The following RAB3B variants were observed in gnomAD, a reference collection of about 807,000 sequenced individuals.
RAB3B encodes ras-related protein Rab-3B.
In RAB3B, 11 loss-of-function variants were observed where a neutral mutation model predicts 20.5. That is an observed-to-expected ratio of 0.54 (90% CI 0.34 to 0.89). The LOEUF (loss-of-function observed/expected upper bound fraction) is 0.89, where lower values mean the gene tolerates loss of function less well. RAB3B is among the 40% of genes least tolerant of loss of function. The pLI, the probability that RAB3B is intolerant of heterozygous loss-of-function variation, is 0.02. For missense variants in RAB3B, 225 were observed against 280.9 expected (o/e 0.80, Z 1.42); for synonymous variants, 99 against 106.3 (o/e 0.93, Z 0.42).
Position 51,937,324 on chromosome 1 carries a change from T to C in RAB3B, c.317A>G (p.Asn106Ser), listed in dbSNP as rs756408271. The change falls in exon 3 of 5, where the codon AAT (asparagine) becomes AGT (serine). Residue 106 changes from asparagine (N) to serine (S), a missense_variant. Asn to Ser is a conservative substitution (Grantham distance 46). Transcript: ENST00000371655. The stretch of plus-strand genomic sequence containing the variant: ...TTGGACAGCATTGAAGGACTCTTCA[T>C]TGGTGATGTCATACATCAGAATGAA... ...MGFILMYDIT[N>S]EESFNAVQDW... The C allele has an allele frequency of 1.6e-5, 25 of 1,611,418 alleles. No individual in the cohort carries two copies. The Admixed American group carries it at 1.8e-4, about 12-fold the overall frequency.
intron 2 of RAB3B, among the ~76,000 whole-genome samples, chr1:51,971,862 A>G (rs1251999355): frequency 6.6e-6 from 1 of 152,212 alleles, no homozygotes; most frequent in Non-Finnish European, 1.5e-5. Context: ...AGACAGTGCA[A>G]TATTTCATCA....
At chr1:51,940,327 A>C (rs981700388) in intron 2 of RAB3B, among the ~76,000 whole-genome samples, 3 of 151,414 alleles carry the variant, frequency 2.0e-5, no homozygotes, top group African/African-American at 7.3e-5. Flanking sequence ...AAGTGGTATA[A>C]AAAAAAATGA....
rs1171897939 is a variant in RAB3B at position 51,912,554 on chromosome 1, A to AATAT, written c.*7369_*7372dup. The AATAT allele has an allele frequency of 9.7e-4, 15 of 15,496 alleles. No individual in the cohort carries two copies. Among genetic ancestry groups the AATAT allele is most frequent in the African/African-American group, 2.4e-3 (14 of 5,740 alleles). The allele number at this position is 15,496 out of a possible 1,614,324, so 1.0% of individuals were successfully genotyped here. ...AGACCGTCTCTATTAAAAAAAAAAA[A>AATAT]ATATATATATATATATATATATATA... On this transcript the variant is annotated 3_prime_UTR_variant, in exon 5 of 5. Transcript: ENST00000371655.
At chr1:51,960,389 C>A (rs1251962283) in intron 2 of RAB3B, among the ~76,000 whole-genome samples, 5 of 152,180 alleles carry the variant, frequency 3.3e-5, no homozygotes, top group Non-Finnish European at 7.3e-5. Context: ...CCCTCCCAGC[C>A]ATCTGGGCCT....
intron 1 of RAB3B, among the ~76,000 whole-genome samples, chr1:51,989,210 G>T (rs12760286): frequency 9.2e-5 from 3 of 32,546 alleles, no homozygotes; most frequent in South Asian, 1.8e-3. Flanking sequence ...ATCTTGTTTT[G>T]TGTGTGTGTG....
chr1:51,953,904 A>G (rs1320046455), intron 2 of RAB3B, among the ~76,000 whole-genome samples: 2 of 152,250 alleles, frequency 1.3e-5, no homozygotes, highest in African/African-American at 4.8e-5. Context: ...TACTTTTTTA[A>G]CCTACTGAAT....
intron 2 of RAB3B, among the ~76,000 whole-genome samples, chr1:51,938,283 T>C (rs1684439157): frequency 6.6e-6 from 1 of 152,162 alleles, no homozygotes. Context: ...TTTGGAAGTC[T>C]TAAGAGCATT....
intron 2 of RAB3B, among the ~76,000 whole-genome samples, chr1:51,958,871 G>A (rs1366260165): frequency 6.6e-6 from 1 of 152,224 alleles, no homozygotes; most frequent in African/African-American, 2.4e-5. Context: ...GAGAGATCAG[G>A]CACTGCAAGT....
chr1:51,955,462 G>A (rs1684695465), intron 2 of RAB3B, among the ~76,000 whole-genome samples: 1 of 152,006 alleles, frequency 6.6e-6, no homozygotes, highest in Admixed American at 6.5e-5. Context: ...CGCAATCTTG[G>A]CTCACTGCAA....
intron 2 of RAB3B, among the ~76,000 whole-genome samples, chr1:51,966,083 C>T (rs1043601803): frequency 1.3e-5 from 2 of 152,212 alleles, no homozygotes; most frequent in Admixed American, 1.3e-4. Flanking sequence ...CCCTAAGAGG[C>T]AGGGATGTTG....
chr1:51,922,769 T>C (rs1270640782), intron 4 of RAB3B, among the ~76,000 whole-genome samples: 1 of 152,002 alleles, frequency 6.6e-6, no homozygotes, highest in Non-Finnish European at 1.5e-5. Flanking sequence ...CAATCTCGGC[T>C]CACTGCAACC....
At chr1:51,926,681 A>T (rs1323981871) in intron 4 of RAB3B, among the ~76,000 whole-genome samples, 1 of 152,216 alleles carries the variant, frequency 6.6e-6, no homozygotes, top group African/African-American at 2.4e-5. Flanking sequence ...GGAAATGTGA[A>T]GAGAAACTAT....
rs1472745288 is a variant in RAB3B, at chr1:51,912,218, G to A, written c.*7709C>T. On this transcript the variant is annotated 3_prime_UTR_variant, in exon 5 of 5. Transcript: ENST00000371655. Reference sequence around the variant, plus strand: ...CATGGCTATGGCTCACTGTATTCTTGACCTCCAGGGCTCAATCGATCCTCC... The same window carrying A: ...CATGGCTATGGCTCACTGTATTCTTAACCTCCAGGGCTCAATCGATCCTCC... 21 of 144,408 alleles carry A rather than the reference G, an allele frequency of 1.5e-4. No homozygotes were observed. In the Admixed American group the frequency reaches 1.5e-3, roughly 10 times the overall value. 8.9% of individuals were successfully genotyped at this position (144,408 alleles called of 1,614,324 possible).
At chr1:51,962,131 T>G (rs1462050013) in intron 2 of RAB3B, among the ~76,000 whole-genome samples, 1 of 152,198 alleles carries the variant, frequency 6.6e-6, no homozygotes, top group Non-Finnish European at 1.5e-5. Context: ...TGTGTGAACT[T>G]GAGACAGCCA....
Position 51,961,406 on chromosome 1 carries a change from T to C in RAB3B, c.228+15484A>G, listed in dbSNP as rs140755533. Among the ~76,000 whole-genome samples the C allele has an allele frequency of 5.3e-3, 806 of 152,280 alleles. 11 individuals carry two copies. The South Asian group carries it at 0.06, about 11-fold the overall frequency. On this transcript the variant is annotated intron_variant, in intron 2 of 4. Transcript: ENST00000371655. ...GCTGTGACGTTGACTCTCAACCACC[T>C]GTGAGGTCCCTGGGGTACCACAGGG... is the stretch of plus-strand genomic sequence containing the variant.
intron 2 of RAB3B, among the ~76,000 whole-genome samples, chr1:51,974,534 C>T (rs1386119738): frequency 6.6e-6 from 1 of 152,196 alleles, no homozygotes; most frequent in Non-Finnish European, 1.5e-5. Flanking sequence ...TCTGACTCCT[C>T]AATGCCTTTA....
chr1:51,983,055 C>T (rs1009571230), intron 1 of RAB3B, among the ~76,000 whole-genome samples: 2 of 152,014 alleles, frequency 1.3e-5, no homozygotes, highest in Non-Finnish European at 2.9e-5. Flanking sequence ...CATTTTTTAT[C>T]TCTTATACCA....
At position 51,980,606 on chromosome 1, in the gene RAB3B, T is replaced by C. The variant is rs1571981295; in HGVS notation, c.1-3489A>G. The C allele has an allele frequency of 7.7e-6, 6 of 778,348 alleles. No individual in the cohort carries two copies. The East Asian group carries it at 1.5e-4, about 19-fold the overall frequency. The allele number at this position is 778,348 out of a possible 1,614,324, so 48.2% of individuals were successfully genotyped here. A position where few individuals can be genotyped will look rare whatever the true frequency, so the allele number is the denominator to read the frequency against. ...AAGAAATTCGTCATTTGAAACATAGTGGAGGCCACAGCAGTCAGGGACATT... is the reference window on the plus strand; with the variant it reads ...AAGAAATTCGTCATTTGAAACATAGCGGAGGCCACAGCAGTCAGGGACATT... On this transcript the variant is annotated intron_variant, in intron 1 of 4. Transcript: ENST00000371655.
chr1:51,948,366 C>A (rs753674230), intron 2 of RAB3B, among the ~76,000 whole-genome samples: 1 of 152,204 alleles, frequency 6.6e-6, no homozygotes, highest in Non-Finnish European at 1.5e-5. Flanking sequence ...GAACTTGAAA[C>A]CAGGTGAAGG....
Sources: allele counts gnomAD v4.1 joint callset (sites outside exome capture counted in the v4.1 genomes callset), GRCh38; gene constraint gnomAD v4.1.1; transcripts MANE v1.5; gene names NCBI Gene and HGNC (gene_info 2026-07-23, HGNC 2026-07-21).